Variants in ISYNA1 observed in about 807,000 individuals in gnomAD.
ISYNA1 encodes MI-1-P synthase.
In ISYNA1, 34 loss-of-function variants were observed where a neutral mutation model predicts 50.3. The observed-to-expected ratio is 0.68, with a 90% CI of 0.51 to 0.90. The LOEUF (loss-of-function observed/expected upper bound fraction) is 0.90. ISYNA1 is among the 40% of genes least tolerant of loss of function. ISYNA1 has a pLI of 0.00. For synonymous variants in ISYNA1, 396 were observed against 349.9 expected (o/e 1.13, Z -1.47); for missense variants, 718 against 784.8 (o/e 0.91, Z 1.02).
rs1974007123 is a variant in ISYNA1, at chr19:18,436,110, C to T, written c.897G>A (p.Val299=). ...LELAWQHRVF[V]GGDDFKSGQT... ...GGCCTGACTTGAAGTCATCTCCGCC[C>T]ACAAAAACCCGGTGCTGCCACGCGA... Residue 299 remains valine (V), a synonymous_variant, in exon 7 of 11, where the codon GTG becomes GTA. Coordinates refer to ENST00000338128, the MANE Select transcript of ISYNA1 (RefSeq NM_016368.5). 1.9e-6 allele frequency: 3 copies of T among 1,613,002 alleles called. No homozygotes were observed. Among genetic ancestry groups the T allele is most frequent in the Non-Finnish European group, 2.5e-6 (3 of 1,179,922 alleles).
chr19:18,435,547 T>G lies in ISYNA1; in HGVS notation c.1254+16A>C, dbSNP rs1973959340. ...AAGCCCTGCCTCCCATAGCAGCCCC[T>G]GAAGCCGCGCCGCACCTCACACGTG... On this transcript the variant is annotated intron_variant, in intron 9 of 10. Coordinates refer to ENST00000338128, the MANE Select transcript of ISYNA1 (RefSeq NM_016368.5). The G allele has an allele frequency of 6.2e-7, 1 of 1,603,248 alleles. No individual in the cohort carries two copies. Among genetic ancestry groups the G allele is most frequent in the African/African-American group, 1.3e-5 (1 of 74,578 alleles).
rs1428297783 is a variant in ISYNA1, at chr19:18,435,841, C to T, written c.1056G>A (p.Lys352=). 17 of 1,613,890 alleles carry T rather than the reference C, an allele frequency of 1.1e-5. No individual in the cohort carries two copies. In the Admixed American group the frequency reaches 2.5e-4, roughly 24 times the overall value. Residue 352 remains lysine (K), a synonymous_variant, in exon 8 of 11, where the codon AAG becomes AAA. Transcript: ENST00000338128. The part of the protein sequence containing the change: ...NLSAPLQFRS[K]EVSKSNVVDD... ...CCACCACGTTGCTCTTGGACACCTC[C>T]TTAGAGCGGAACTGCAATGGCGCCG...
At position 18,435,778 on chromosome 19, in the gene ISYNA1, G is replaced by A. The variant is rs545910008; in HGVS notation, c.1119C>T (p.Pro373=). The change falls in exon 8 of 11, where the codon CCC becomes CCT. Residue 373 remains proline, a synonymous_variant. Coordinates refer to ENST00000338128, the MANE Select transcript of ISYNA1 (RefSeq NM_016368.5). ...MVQSNPVLYT[P]GEEPDHCVVI... is the part of the protein sequence containing the mutation. The stretch of plus-strand genomic sequence containing the variant: ...GCACGCAGTGGTCAGGCTCTTCGCC[G>A]GGCGTATAGAGCACTGGGTTGCTCT... 8 of 1,613,458 alleles carry A rather than the reference G, an allele frequency of 5.0e-6. No individual in the cohort carries two copies. The highest frequency in any genetic ancestry group is 4.0e-5 in the African/African-American group (3 of 75,044).
intron 5 of ISYNA1, 80 bp downstream of exon 5, chr19:18,436,604 T>C: frequency 6.2e-7 from 1 of 1,600,724 alleles, no homozygotes; most frequent in Non-Finnish European, 8.5e-7. Context: ...AGGCCTGGAT[T>C]CGCGGGGTGG....
rs765285589 is a variant in ISYNA1, at chr19:18,436,452, C to A, written c.637G>T (p.Asp213Tyr). ...QLEQIRRDIR[D>Y]FRSSAGLDKV... ...TCCAGCCCCGCGCTAGACCGGAAGT[C>A]TCGGATGTCCCTGCGGATCTGCTCC... The change falls in exon 6 of 11, where the codon GAC becomes TAC. Residue 213 changes from aspartate (D) to tyrosine (Y), a missense_variant. Transcript: ENST00000338128. The A allele has an allele frequency of 6.2e-7, 1 of 1,607,530 alleles. No individual in the cohort carries two copies. Among genetic ancestry groups the A allele is most frequent in the Non-Finnish European group, 8.5e-7 (1 of 1,179,884 alleles).
In ISYNA1 at chr19:18,438,094, G is replaced by A. The variant is rs902455359; in HGVS notation, c.-11C>T. ...GTCCCTGCCCCGAACCGCACTCACC[G>A]GCGCAGAGTCGACTCAGGCAGCGGC... On this transcript the variant is annotated splice_region_variant and 5_prime_UTR_variant, in exon 1 of 11. Coordinates refer to ENST00000338128, the MANE Select transcript of ISYNA1 (RefSeq NM_016368.5). 5.3e-6 allele frequency: 6 copies of A among 1,139,744 alleles called. No homozygotes were observed. In the Admixed American group the frequency reaches 1.1e-4, roughly 20 times the overall value. 70.6% of individuals were successfully genotyped at this position (1,139,744 alleles called of 1,614,324 possible). A position where few individuals can be genotyped will look rare whatever the true frequency, so the allele number is the denominator to read the frequency against.
Position 18,436,735 on chromosome 19 carries a change from G to A in ISYNA1, c.558C>T (p.Ala186=), listed in dbSNP as rs762629715. 3 of 1,568,400 alleles carry A rather than the reference G, an allele frequency of 1.9e-6. No homozygotes were observed. Among genetic ancestry groups the A allele is most frequent in the Non-Finnish European group, 2.6e-6 (3 of 1,160,504 alleles). Residue 186 remains alanine (A), a synonymous_variant, in exon 5 of 11, where the codon GCC becomes GCT. Transcript: ENST00000338128. The stretch of plus-strand genomic sequence containing the variant: ...GGTTGTCCGCGCGCGCGCTCTGGTT[G>A]GCCGCGATGAATTCGGGGATGTAAA... ...PSVYIPEFIA[A]NQSARADNLI... is the part of the protein sequence containing the mutation.
intron 3 of ISYNA1, chr19:18,437,351 G>A: frequency 1.5e-6 from 2 of 1,378,098 alleles, no homozygotes; most frequent in Non-Finnish European, 1.9e-6. Flanking sequence ...CACGGGGTCC[G>A]CCTGCAGCCA....
intron 7 of ISYNA1, 22 bp downstream of exon 7, chr19:18,436,010 G>A (rs765651811): frequency 1.7e-5 from 28 of 1,612,838 alleles, no homozygotes; most frequent in Non-Finnish European, 2.4e-5. Context: ...CCTGCACTCG[G>A]CAGCTCCCTA....
chr19:18,436,419 T>G lies in ISYNA1; in HGVS notation c.670A>C (p.Ile224Leu). 6.2e-7 allele frequency: 1 copy of G among 1,611,112 alleles called. No individual in the cohort carries two copies. Among genetic ancestry groups the G allele is most frequent in the Non-Finnish European group, 8.5e-7 (1 of 1,179,848 alleles). ...FRSSAGLDKV[I>L]VLWTANTERF... Reference sequence around the variant, plus strand: ...TCCGTGTTCGCCGTCCACAGCACTATGACTTTGTCCAGCCCCGCGCTAGAC... The same window carrying G: ...TCCGTGTTCGCCGTCCACAGCACTAGGACTTTGTCCAGCCCCGCGCTAGAC... Residue 224 changes from isoleucine to leucine, a missense_variant, in exon 6 of 11, where the codon ATA (isoleucine) becomes CTA (leucine). Around this residue, in one of 3 missense-constraint regions of ISYNA1, gnomAD observed 403 missense variants for 466.6 expected, o/e 0.86. Coordinates refer to ENST00000338128, the MANE Select transcript of ISYNA1 (RefSeq NM_016368.5).
chr19:18,436,619 A>G lies in ISYNA1; in HGVS notation c.609+65T>C, dbSNP rs760569282. ...AGGCCTGGATTCGCGGGGTGGGGCA[A>G]AAAGAGGGAACCAAGTGGCGAAGAA... is the stretch of plus-strand genomic sequence containing the variant. On this transcript the variant is annotated intron_variant, in intron 5 of 10. Transcript: ENST00000338128. 2.5e-6 allele frequency: 4 copies of G among 1,599,096 alleles called. No individual in the cohort carries two copies. The African/African-American group carries it at 4.0e-5, about 16-fold the overall frequency.
Position 18,434,816 on chromosome 19 carries a change from A to T in ISYNA1, c.*97T>A. 2 of 1,024,946 alleles carry T rather than the reference A, an allele frequency of 2.0e-6. No homozygotes were observed. Among genetic ancestry groups the T allele is most frequent in the Non-Finnish European group, 3.0e-6 (2 of 669,120 alleles). 63.5% of individuals were successfully genotyped at this position (1,024,946 alleles called of 1,614,324 possible). A position where few individuals can be genotyped will look rare whatever the true frequency, so the allele number is the denominator to read the frequency against. On this transcript the variant is annotated 3_prime_UTR_variant, in exon 11 of 11. Coordinates refer to ENST00000338128, the MANE Select transcript of ISYNA1 (RefSeq NM_016368.5). ...GGCCCCAAGAACCCCAGGTGGAAGG[A>T]GGGCTGAGTGGCAGCGCCTTTATTT...
At chr19:18,437,230 CA>C (rs1974095446) in intron 3 of ISYNA1, 125 bp from the exon 4 acceptor site, 4 of 1,445,316 alleles carry the variant, frequency 2.8e-6, no homozygotes, top group Non-Finnish European at 3.6e-6. Context: ...TCCAGGCTCA[CA>C]GCCAGGACGG....
chr19:18,434,825 T>A lies in ISYNA1; in HGVS notation c.*88A>T, dbSNP rs1600385324. 1 of 1,115,740 alleles carries A rather than the reference T, an allele frequency of 9.0e-7. No individual in the cohort carries two copies. The highest frequency in any genetic ancestry group is 2.4e-5 in the East Asian group (1 of 42,376). The allele number at this position is 1,115,740 out of a possible 1,614,324, so 69.1% of individuals were successfully genotyped here. A position where few individuals can be genotyped will look rare whatever the true frequency, so the allele number is the denominator to read the frequency against. Reference sequence around the variant, plus strand: ...AACCCCAGGTGGAAGGAGGGCTGAGTGGCAGCGCCTTTATTTGTGGGGGCC... The same window carrying A: ...AACCCCAGGTGGAAGGAGGGCTGAGAGGCAGCGCCTTTATTTGTGGGGGCC... On this transcript the variant is annotated 3_prime_UTR_variant, in exon 11 of 11. Transcript: ENST00000338128.
In ISYNA1 at chr19:18,436,340, C is replaced by T; in HGVS notation, c.749G>A (p.Arg250His). The change falls in exon 6 of 11, where the codon CGC becomes CAC. Residue 250 changes from arginine (R) to histidine (H), a missense_variant. Transcript: ENST00000338128. ...GLNDTAENLL[R>H]TIELGLEVSP... ...CGGGCGTTCGCCCACCTCAATGGTG[C>T]GCAGCAGGTTCTCGGCTGTGTCGTT... The T allele has an allele frequency of 1.2e-6, 2 of 1,612,152 alleles. No individual in the cohort carries two copies.
At chr19:18,435,221 G>A (rs761597787) in intron 10 of ISYNA1, 45 bp downstream of exon 10, 41 of 1,494,456 alleles carry the variant, frequency 2.7e-5, no homozygotes, top group Non-Finnish European at 3.6e-5. Flanking sequence ...GCTTAGCCAG[G>A]GGGGTATCTG....
At position 18,436,617 on chromosome 19, in the gene ISYNA1, CAA is replaced by C. The variant is rs776083627; in HGVS notation, c.609+65_609+66del. 1.1e-5 allele frequency: 17 copies of C among 1,597,368 alleles called. No homozygotes were observed. The African/African-American group carries it at 1.2e-4, about 11-fold the overall frequency. On this transcript the variant is annotated intron_variant, in intron 5 of 10. Coordinates refer to ENST00000338128, the MANE Select transcript of ISYNA1 (RefSeq NM_016368.5). ...TGAGGCCTGGATTCGCGGGGTGGGG[CAA>C]AAAGAGGGAACCAAGTGGCGAAGAA...
Position 18,434,860 on chromosome 19 carries a change from G to T in ISYNA1, c.*53C>A, listed in dbSNP as rs1161584923. On this transcript the variant is annotated 3_prime_UTR_variant, in exon 11 of 11. Transcript: ENST00000338128. ...TTTATTTGTGGGGGCCTTCAAGGTA[G>T]GGTCGTGGGGGGCAGCGGGGAGGAA... is the stretch of plus-strand genomic sequence containing the variant. 6.0e-6 allele frequency: 9 copies of T among 1,488,662 alleles called. No homozygotes were observed. The highest frequency in any genetic ancestry group is 8.4e-6 in the Non-Finnish European group (9 of 1,070,118). The allele number at this position is 1,488,662 out of a possible 1,614,324, so 92.2% of individuals were successfully genotyped here.
rs749570549 is a variant in ISYNA1 at position 18,435,740 on chromosome 19, G to A, written c.1140+17C>T. On this transcript the variant is annotated intron_variant, in intron 8 of 10. Coordinates refer to ENST00000338128, the MANE Select transcript of ISYNA1 (RefSeq NM_016368.5). ...CCTCGCCGGGCAACCCCGCGCCCGC[G>A]CCCGCGCCCCACGCACGCAGTGGTC... 9.9e-6 allele frequency: 16 copies of A among 1,611,454 alleles called. No homozygotes were observed. The highest frequency in any genetic ancestry group is 5.0e-5 in the Admixed American group (3 of 59,944).
Sources: gnomAD v4.1 joint callset for allele counts on GRCh38, gnomAD v4.1.1 for gene constraint, gnomAD v4.1.1 regional missense constraint, MANE v1.5 for transcripts, NCBI Gene and HGNC (gene_info 2026-07-23, HGNC 2026-07-21) for gene names.